The following PLXDC2 variants were observed in gnomAD, a reference collection of about 807,000 sequenced individuals.
PLXDC2 encodes plexin domain-containing protein 2.
Under a neutral mutation model 68.9 loss-of-function variants are expected in PLXDC2, and 40 were observed. The observed-to-expected ratio is 0.58, with a 90% CI of 0.45 to 0.76. The LOEUF (loss-of-function observed/expected upper bound fraction) is 0.76. Ranked by LOEUF, PLXDC2 falls within the 30% of genes least tolerant of loss-of-function variation. The probability of loss-of-function intolerance (pLI) is 0.00; values close to 1 mark genes in which losing one functional copy is unlikely to be tolerated. For missense variants in PLXDC2, 644 were observed against 661.9 expected (o/e 0.97, Z 0.30); for synonymous variants, 243 against 234.2 (o/e 1.04, Z -0.34).
chr10:19,863,024 A>T (rs1024871188), intron 1 of PLXDC2, among the ~76,000 whole-genome samples: 6 of 152,200 alleles, frequency 3.9e-5, no homozygotes, highest in Non-Finnish European at 1.5e-5. Flanking sequence ...AATGACAAGA[A>T]CATATGGGGA....
At chr10:20,136,387 T>TATG (rs1833933650) in intron 4 of PLXDC2, among the ~76,000 whole-genome samples, 1 of 152,214 alleles carries the variant, frequency 6.6e-6, no homozygotes, top group South Asian at 2.1e-4. Context: ...GTTTATAGTA[T>TATG]ATGACCTGTA....
intron 12 of PLXDC2, among the ~76,000 whole-genome samples, chr10:20,240,447 A>T (rs1389880196): frequency 6.6e-6 from 1 of 152,122 alleles, no homozygotes; most frequent in African/African-American, 2.4e-5. Context: ...TATACCCAGG[A>T]TACTCTAAAT....
rs1836350025 is a variant in PLXDC2, at chr10:19,816,771, G to C, written c.-309G>C. 2.1e-6 allele frequency: 1 copy of C among 473,008 alleles called. No individual in the cohort carries two copies. The highest frequency in any genetic ancestry group is 3.9e-5 in the Admixed American group (1 of 25,546). The allele number at this position is 473,008 out of a possible 1,614,324, so 29.3% of individuals were successfully genotyped here. A position where few individuals can be genotyped will look rare whatever the true frequency, so the allele number is the denominator to read the frequency against. On this transcript the variant is annotated 5_prime_UTR_variant, in exon 1 of 14. Coordinates refer to ENST00000377252, the MANE Select transcript of PLXDC2 (RefSeq NM_032812.9). Reference sequence around the variant, plus strand: ...GGGTTGGCGCTGCCCGAGTGGAACCGACAGTTTGCGAGCCTCGGCTGCAAG... The same window carrying C: ...GGGTTGGCGCTGCCCGAGTGGAACCCACAGTTTGCGAGCCTCGGCTGCAAG...
intron 1 of PLXDC2, among the ~76,000 whole-genome samples, chr10:19,899,601 C>T (rs568446467): frequency 6.6e-6 from 1 of 152,162 alleles, no homozygotes; most frequent in African/African-American, 2.4e-5. Flanking sequence ...CAATAGTTTG[C>T]TAGTAATTGT....
chr10:19,947,937 G>A (rs1409406305), intron 1 of PLXDC2, among the ~76,000 whole-genome samples: 1 of 151,944 alleles, frequency 6.6e-6, no homozygotes, highest in Non-Finnish European at 1.5e-5. Context: ...CTTAACTATT[G>A]ACATGAGTCT....
intron 9 of PLXDC2, among the ~76,000 whole-genome samples, chr10:20,208,259 C>T (rs1835019364): frequency 6.6e-6 from 1 of 152,130 alleles, no homozygotes; most frequent in South Asian, 2.1e-4. Context: ...CTCACAATTT[C>T]CCATGGCTAG....
intron 9 of PLXDC2, among the ~76,000 whole-genome samples, chr10:20,179,853 C>T (rs756990864): frequency 1.1e-4 from 16 of 151,986 alleles, no homozygotes; most frequent in Non-Finnish European, 2.4e-4. Context: ...AGCTGAGCTA[C>T]GTGTGCAGGG....
intron 3 of PLXDC2, among the ~76,000 whole-genome samples, chr10:20,060,400 A>G (rs887170943): frequency 6.6e-6 from 1 of 152,160 alleles, no homozygotes; most frequent in Non-Finnish European, 1.5e-5. Flanking sequence ...ATTTTAAAAA[A>G]GAAAGTAAAT....
At chr10:19,817,950 C>T (rs1406928087) in intron 1 of PLXDC2, among the ~76,000 whole-genome samples, 3 of 152,188 alleles carry the variant, frequency 2.0e-5, no homozygotes, top group Non-Finnish European at 4.4e-5. Flanking sequence ...GGTGCGCGTC[C>T]TGCGGGGAGT....
chr10:20,072,704 G>A (rs1369475802), intron 4 of PLXDC2, among the ~76,000 whole-genome samples: 1 of 152,200 alleles, frequency 6.6e-6, no homozygotes, highest in Non-Finnish European at 1.5e-5. Context: ...ATACTTGCTT[G>A]TGGGATACAG....
chr10:19,852,268 C>T (rs1488415231), intron 1 of PLXDC2, among the ~76,000 whole-genome samples: 1 of 151,486 alleles, frequency 6.6e-6, no homozygotes, highest in African/African-American at 2.4e-5. Context: ...GCCAGGCATG[C>T]TGGCTCATGC....
chr10:20,227,727 G>A (rs1334764101), intron 12 of PLXDC2, among the ~76,000 whole-genome samples: 1 of 152,118 alleles, frequency 6.6e-6, no homozygotes, highest in African/African-American at 2.4e-5. Flanking sequence ...TGACAAGGGA[G>A]TGTCAGGACA....
At chr10:19,999,477 A>T (rs1245512277) in intron 1 of PLXDC2, among the ~76,000 whole-genome samples, 1 of 150,460 alleles carries the variant, frequency 6.6e-6, no homozygotes, top group Non-Finnish European at 1.5e-5. Flanking sequence ...TTTAAATACC[A>T]TTTTTTTTAT....
intron 1 of PLXDC2, among the ~76,000 whole-genome samples, chr10:19,915,323 A>G (rs918131149): frequency 3.9e-5 from 6 of 152,152 alleles, no homozygotes; most frequent in Non-Finnish European, 1.5e-5. Flanking sequence ...AGATGATGCA[A>G]TACATCTGAA....
intron 1 of PLXDC2, among the ~76,000 whole-genome samples, chr10:19,868,344 T>G (rs1832945253): frequency 6.6e-6 from 1 of 152,148 alleles, no homozygotes; most frequent in Non-Finnish European, 1.5e-5. Context: ...ATATTTAGCT[T>G]AATAGGTAGT....
At chr10:20,000,275 T>G (rs12354858) in intron 1 of PLXDC2, among the ~76,000 whole-genome samples, 34,661 of 151,876 alleles carry the variant, frequency 0.23, 4,641 homozygotes, top group Non-Finnish European at 0.3. Flanking sequence ...TGAGTTTTTT[T>G]TTTTGTTTTG....
intron 1 of PLXDC2, among the ~76,000 whole-genome samples, chr10:19,990,754 A>G (rs562370654): frequency 6.6e-6 from 1 of 152,310 alleles, no homozygotes; most frequent in Admixed American, 6.5e-5. Flanking sequence ...AATATATGCA[A>G]TCATGCAATT....
At chr10:19,839,936 G>A (rs867802699) in intron 1 of PLXDC2, among the ~76,000 whole-genome samples, 1 of 152,086 alleles carries the variant, frequency 6.6e-6, no homozygotes, top group Admixed American at 6.6e-5. Flanking sequence ...AAATTTCATC[G>A]TTTGAATAGG....
intron 3 of PLXDC2, among the ~76,000 whole-genome samples, chr10:20,058,882 T>C (rs1836049765): frequency 6.6e-6 from 1 of 152,224 alleles, no homozygotes; most frequent in Non-Finnish European, 1.5e-5. Flanking sequence ...AGTGAGATTA[T>C]GTTTTCCAGA....
Sources: gnomAD v4.1 joint callset for allele counts (sites outside exome capture counted in the v4.1 genomes callset) on GRCh38, gnomAD v4.1.1 for gene constraint, MANE v1.5 for transcripts, NCBI Gene and HGNC (gene_info 2026-07-23, HGNC 2026-07-21) for gene names.